ATOSA: variants seen among roughly 807,000 people sequenced by gnomAD.
ATOSA encodes the protein atos homolog A, also known as atos homolog protein A.
the ATOSA span, among the ~76,000 whole-genome samples, chr15:52,698,288 A>G: frequency 6.6e-6 from 1 of 152,064 alleles, no homozygotes; most frequent in Non-Finnish European, 1.5e-5. Flanking sequence ...CCAAGGATGT[A>G]GAATTCTTAT....
the ATOSA span, among the ~76,000 whole-genome samples, chr15:52,704,898 T>G: frequency 3.9e-5 from 6 of 152,220 alleles, no homozygotes; most frequent in African/African-American, 1.2e-4. Flanking sequence ...ACTTTTACAC[T>G]GTTGGTGGGA....
chr15:52,605,764 AAACT>A, the ATOSA span, among the ~76,000 whole-genome samples: 1 of 152,136 alleles, frequency 6.6e-6, no homozygotes, highest in African/African-American at 2.4e-5. Context: ...ATCATCTAGC[AAACT>A]AATACCTGAT....
chr15:52,702,617 G>A, the ATOSA span, among the ~76,000 whole-genome samples: 29 of 152,136 alleles, frequency 1.9e-4, no homozygotes, highest in African/African-American at 6.5e-4. Context: ...GGGGCAGGGA[G>A]GGAGGAGGAC....
At chr15:52,630,644 G>C in the ATOSA span, among the ~76,000 whole-genome samples, 2 of 152,178 alleles carry the variant, frequency 1.3e-5, no homozygotes, top group Non-Finnish European at 2.9e-5. Context: ...ACCTAGTTAA[G>C]AAGTACATAC....
the ATOSA span, among the ~76,000 whole-genome samples, chr15:52,664,317 G>C: frequency 6.6e-6 from 1 of 152,162 alleles, no homozygotes; most frequent in African/African-American, 2.4e-5. Flanking sequence ...TAGAATCCTA[G>C]TTGGAAAAAG....
the ATOSA span, among the ~76,000 whole-genome samples, chr15:52,679,781 TCCTCCTCCTCCTCCCCCCTCCC>T: frequency 2.3e-5 from 2 of 86,180 alleles, no homozygotes; most frequent in Non-Finnish European, 4.6e-5. Context: ...CTCCTCCTCC[TCCTCCTCCTCCTCCCCCCTCCC>T]CCTCCTTCCC....
the ATOSA span, chr15:52,600,294 CT>C: frequency 9.4e-7 from 1 of 1,069,090 alleles, no homozygotes; most frequent in African/African-American, 1.6e-5. Flanking sequence ...TTTTTTTAAT[CT>C]TGAGACAGGG....
chr15:52,634,027 C>T, the ATOSA span, among the ~76,000 whole-genome samples: 2 of 151,976 alleles, frequency 1.3e-5, no homozygotes, highest in East Asian at 1.9e-4. Context: ...AAATAATGTG[C>T]ACCCTAAAGT....
chr15:52,660,123 G>C, the ATOSA span, among the ~76,000 whole-genome samples: 2 of 152,182 alleles, frequency 1.3e-5, no homozygotes, highest in African/African-American at 2.4e-5. Context: ...ATAAAATTAT[G>C]ATATCTTAGA....
At chr15:52,624,438 C>T in the ATOSA span, among the ~76,000 whole-genome samples, 8 of 152,126 alleles carry the variant, frequency 5.3e-5, no homozygotes, top group Non-Finnish European at 8.8e-5. Context: ...TGTTAGTGTA[C>T]CAACCAAAGG....
the ATOSA span, among the ~76,000 whole-genome samples, chr15:52,636,704 T>C: frequency 6.6e-6 from 1 of 152,172 alleles, no homozygotes; most frequent in Non-Finnish European, 1.5e-5. Context: ...GCTGAGCTGA[T>C]TAATATTCAA....
At chr15:52,675,799 C>G in the ATOSA span, among the ~76,000 whole-genome samples, 1 of 151,640 alleles carries the variant, frequency 6.6e-6, no homozygotes, top group African/African-American at 2.4e-5. Context: ...TCCCAGCTAC[C>G]GAAGGCTGAG....
the ATOSA span, among the ~76,000 whole-genome samples, chr15:52,670,212 T>G: frequency 3.3e-5 from 5 of 152,346 alleles, no homozygotes; most frequent in South Asian, 1.0e-3. Context: ...CCAACCAGTT[T>G]TCAAAACGGA....
the ATOSA span, among the ~76,000 whole-genome samples, chr15:52,582,897 T>TA: frequency 6.6e-6 from 1 of 152,264 alleles, no homozygotes; most frequent in Non-Finnish European, 1.5e-5. Flanking sequence ...CTAATATCTG[T>TA]AATACAGTGC....
At chr15:52,633,685 T>C in the ATOSA span, among the ~76,000 whole-genome samples, 54 of 152,028 alleles carry the variant, frequency 3.6e-4, no homozygotes, top group African/African-American at 1.3e-3. Context: ...ATCAAAACAC[T>C]GAAAAAAAAT....
the ATOSA span, among the ~76,000 whole-genome samples, chr15:52,605,613 T>G: frequency 0.027 from 4,131 of 152,224 alleles, 162 homozygotes; most frequent in African/African-American, 0.087. Flanking sequence ...TGTATCTACA[T>G]CTTATGTTTA....
chr15:52,631,896 C>T, the ATOSA span, among the ~76,000 whole-genome samples: 16 of 152,232 alleles, frequency 1.1e-4, no homozygotes, highest in East Asian at 3.1e-3. Flanking sequence ...CGCCATCATG[C>T]CCAGCTATTT....
the ATOSA span, among the ~76,000 whole-genome samples, chr15:52,590,993 C>T: frequency 1.3e-5 from 2 of 152,196 alleles, no homozygotes; most frequent in Non-Finnish European, 2.9e-5. Flanking sequence ...ATCTCTAGTA[C>T]TTTCTGGAGT....
the ATOSA span, among the ~76,000 whole-genome samples, chr15:52,595,439 G>C: frequency 6.6e-5 from 10 of 151,818 alleles, no homozygotes; most frequent in African/African-American, 2.2e-4. Context: ...ATGGATTAAG[G>C]CAAATGACCA....
Sources: gnomAD v4.1 joint callset for allele counts (sites outside exome capture counted in the v4.1 genomes callset) on GRCh38, gnomAD v4.1.1 for gene constraint, MANE v1.5 for transcripts, NCBI Gene and HGNC (gene_info 2026-07-23, HGNC 2026-07-21) for gene names.